Variants in SMARCAD1 observed in about 807,000 individuals in gnomAD.
SMARCAD1 encodes the protein SWI/SNF-related matrix-associated actin-dependent regulator of chromatin subfamily A containing DEAD/H box 1.
SMARCAD1 carries 25 observed loss-of-function variants against 127.1 expected under a neutral mutation model. The observed-to-expected ratio is 0.20, with a 90% CI of 0.14 to 0.27. The LOEUF is 0.27. Among genes scored for constraint, SMARCAD1 ranks in the 10% least tolerant of loss-of-function variants. SMARCAD1 has a pLI of 1.00. For missense variants in SMARCAD1, 807 were observed against 1,206.0 expected (o/e 0.67, Z 4.90); for synonymous variants, 400 against 396.9 (o/e 1.01, Z -0.09).
At position 94,283,113 on chromosome 4, in the gene SMARCAD1, T is replaced by C; in HGVS notation, c.2727-8T>C. 1 of 1,608,326 alleles carries C rather than the reference T, an allele frequency of 6.2e-7. No homozygotes were observed. ...AGTGAGATTTAACCTAATTTGTTTATCTTACAGGATTCATCTAATTGATGA... is the reference window on the plus strand; with the variant it reads ...AGTGAGATTTAACCTAATTTGTTTACCTTACAGGATTCATCTAATTGATGA... On this transcript the variant is annotated splice_polypyrimidine_tract_variant and splice_region_variant and intron_variant, in intron 21 of 23. Transcript: ENST00000354268.
chr4:94,272,257 TG>T (rs1752641903), intron 11 of SMARCAD1, among the ~76,000 whole-genome samples: 1 of 152,218 alleles, frequency 6.6e-6, no homozygotes, highest in Non-Finnish European at 1.5e-5. Context: ...CAATGGCATT[TG>T]AGGTTACGAC....
At chr4:94,273,299 A>G (rs111604781) in intron 11 of SMARCAD1, among the ~76,000 whole-genome samples, 2 of 152,230 alleles carry the variant, frequency 1.3e-5, no homozygotes, top group African/African-American at 4.8e-5. Context: ...GATATTAAAC[A>G]TTCACTGTGT....
intron 6 of SMARCAD1, among the ~76,000 whole-genome samples, chr4:94,245,291 A>G (rs993360716): frequency 2.0e-5 from 3 of 152,242 alleles, no homozygotes; most frequent in Admixed American, 2.0e-4. Flanking sequence ...GAAGATGTCG[A>G]TGACAGTGAT....
Position 94,208,496 on chromosome 4 carries a change from A to G in SMARCAD1, c.102A>G (p.Ser34=). The G allele has an allele frequency of 6.2e-7, 1 of 1,614,112 alleles. No homozygotes were observed. The highest frequency in any genetic ancestry group is 8.5e-7 in the Non-Finnish European group (1 of 1,180,004). Residue 34 remains serine, a synonymous_variant, in exon 2 of 24, where the codon TCA becomes TCG. Transcript: ENST00000354268. The part of the protein sequence containing the change: ...TPQPSQPGPS[S]PISLSAEEEN... The stretch of plus-strand genomic sequence containing the variant: ...AACCTTCCCAGCCTGGCCCTTCTTC[A>G]CCAATTTCTCTTAGTGCTGAAGAGG...
intron 3 of SMARCAD1, 96 bp from the exon 4 acceptor site, chr4:94,233,858 C>A: frequency 8.0e-7 from 1 of 1,247,804 alleles, no homozygotes; most frequent in Non-Finnish European, 1.1e-6. Context: ...AAAAGAACTG[C>A]AGATGTGTTG....
At chr4:94,245,540 G>A (rs1748277640) in intron 6 of SMARCAD1, among the ~76,000 whole-genome samples, 1 of 152,288 alleles carries the variant, frequency 6.6e-6, no homozygotes, top group East Asian at 1.9e-4. Context: ...AGTTAGTACA[G>A]CAGACATAAC....
At chr4:94,223,833 G>C (rs1043888799) in intron 2 of SMARCAD1, among the ~76,000 whole-genome samples, 1 of 149,942 alleles carries the variant, frequency 6.7e-6, no homozygotes, top group Non-Finnish European at 1.5e-5. Context: ...CGCCCACCTC[G>C]GCCTCCCAAA....
chr4:94,261,151 A>G (rs1164559901), intron 9 of SMARCAD1, among the ~76,000 whole-genome samples: 1 of 152,122 alleles, frequency 6.6e-6, no homozygotes, highest in African/African-American at 2.4e-5. Context: ...GAAAAAAAAA[A>G]AGAAACCTGT....
At chr4:94,234,308 GTTAT>G (rs1014024733) in intron 4 of SMARCAD1, among the ~76,000 whole-genome samples, 186 bp downstream of exon 4, 1 of 152,152 alleles carries the variant, frequency 6.6e-6, no homozygotes, top group African/African-American at 2.4e-5. Context: ...AATAGATGAG[GTTAT>G]TTATTTGTAA....
At chr4:94,251,237 A>C (rs1749230191) in intron 8 of SMARCAD1, among the ~76,000 whole-genome samples, 1 of 152,154 alleles carries the variant, frequency 6.6e-6, no homozygotes, top group African/African-American at 2.4e-5. Context: ...CACTAGCATC[A>C]AAAACTTAAG....
chr4:94,262,414 C>T (rs2220338), intron 9 of SMARCAD1, among the ~76,000 whole-genome samples: 1,560 of 152,256 alleles, frequency 0.01, 11 homozygotes, highest in Non-Finnish European at 0.016. Flanking sequence ...TCAGTTTCTC[C>T]GTGTCCAACA....
At chr4:94,253,189 T>A (rs879290605) in intron 9 of SMARCAD1, 182 bp downstream of exon 9, 1 of 1,500,158 alleles carries the variant, frequency 6.7e-7, no homozygotes, top group Non-Finnish European at 9.0e-7. Flanking sequence ...GACCTAATTT[T>A]GAATGAATTA....
chr4:94,271,125 G>C (rs1752487062), intron 11 of SMARCAD1, among the ~76,000 whole-genome samples: 1 of 152,162 alleles, frequency 6.6e-6, no homozygotes, highest in African/African-American at 2.4e-5. Flanking sequence ...ACAAGAACTA[G>C]TTTGGTGTCT....
At chr4:94,227,104 G>C (rs544515981) in intron 3 of SMARCAD1, among the ~76,000 whole-genome samples, 4 of 152,236 alleles carry the variant, frequency 2.6e-5, no homozygotes, top group Non-Finnish European at 4.4e-5. Flanking sequence ...AGACATAAAG[G>C]GGGTGAGAAA....
intron 15 of SMARCAD1, among the ~76,000 whole-genome samples, 161 bp from the exon 16 acceptor site, chr4:94,276,861 C>T (rs970104762): frequency 3.9e-5 from 6 of 152,036 alleles, no homozygotes; most frequent in Non-Finnish European, 7.4e-5. Flanking sequence ...TAATAGCGGA[C>T]GTCAATTATT....
At chr4:94,230,175 C>T (rs1310022791) in intron 3 of SMARCAD1, among the ~76,000 whole-genome samples, 3 of 151,844 alleles carry the variant, frequency 2.0e-5, no homozygotes, top group Non-Finnish European at 4.4e-5. Flanking sequence ...TTCCAAAAAT[C>T]AAAACTCTAC....
At chr4:94,221,627 A>G (rs986072626) in intron 2 of SMARCAD1, among the ~76,000 whole-genome samples, 4 of 152,222 alleles carry the variant, frequency 2.6e-5, no homozygotes, top group African/African-American at 9.6e-5. Flanking sequence ...TTTGACAAAT[A>G]TAAAACAGTG....
intron 2 of SMARCAD1, among the ~76,000 whole-genome samples, chr4:94,215,068 C>G (rs990641869): frequency 6.6e-6 from 1 of 152,090 alleles, no homozygotes; most frequent in Non-Finnish European, 1.5e-5. Flanking sequence ...TGGTTATTAT[C>G]CTTTGAATGA....
At chr4:94,227,965 G>T (rs772917673) in intron 3 of SMARCAD1, among the ~76,000 whole-genome samples, 17 of 152,154 alleles carry the variant, frequency 1.1e-4, no homozygotes, top group South Asian at 4.1e-4. Context: ...TAGAATCAGG[G>T]AGATGAGAAG....
Sources: allele counts gnomAD v4.1 joint callset (sites outside exome capture counted in the v4.1 genomes callset), GRCh38; gene constraint gnomAD v4.1.1; transcripts MANE v1.5; gene names NCBI Gene and HGNC (gene_info 2026-07-23, HGNC 2026-07-21).